Variants in CLVS1 observed in about 807,000 individuals in gnomAD.
The protein encoded by CLVS1 is clavesin 1, also known as clavesin-1.
Under a neutral mutation model 33.1 loss-of-function variants are expected in CLVS1, and 10 were observed. The observed-to-expected ratio is 0.30, with a 90% CI of 0.19 to 0.51. CLVS1 has a LOEUF of 0.51. CLVS1 is among the 20% of genes least tolerant of loss of function. The pLI, the probability that CLVS1 is intolerant of heterozygous loss-of-function variation, is 0.97. For synonymous variants in CLVS1, 163 were observed against 166.1 expected, an observed-to-expected ratio of 0.98 and a Z score of 0.14; for missense variants, 343 against 433.4, an observed-to-expected ratio of 0.79 and a Z score of 1.85.
chr8:61,350,970 C>T (rs1384959163), intron 2 of CLVS1, among the ~76,000 whole-genome samples: 1 of 152,104 alleles, frequency 6.6e-6, no homozygotes, highest in Admixed American at 6.6e-5. Flanking sequence ...TACATGTCCT[C>T]ATTTGTCCCA....
intron 2 of CLVS1, among the ~76,000 whole-genome samples, chr8:61,316,965 G>A (rs1022258054): frequency 1.3e-5 from 2 of 152,128 alleles, no homozygotes; most frequent in African/African-American, 4.8e-5. Flanking sequence ...CCATAAAAAT[G>A]TTTGGCCCCT....
At chr8:61,480,806 G>T (rs1213210911) in intron 5 of CLVS1, among the ~76,000 whole-genome samples, 1 of 152,108 alleles carries the variant, frequency 6.6e-6, no homozygotes, top group Non-Finnish European at 1.5e-5. Flanking sequence ...ACGTGCATGG[G>T]CTTGAAATTG....
chr8:61,283,699 C>A (rs1809720212), upstream of CLVS1, among the ~76,000 whole-genome samples: 1 of 152,252 alleles, frequency 6.6e-6, no homozygotes, highest in Admixed American at 6.5e-5. Flanking sequence ...AGCATTGAAC[C>A]ACTAGCCTGA....
chr8:61,093,874 G>C (rs975530600), intron 1 of CLVS1, among the ~76,000 whole-genome samples: 1 of 152,212 alleles, frequency 6.6e-6, no homozygotes, highest in African/African-American at 2.4e-5. Flanking sequence ...TAATGGCTGT[G>C]CTGTTTTCCC....
rs114367166 is a variant in CLVS1, at chr8:61,143,232, G to A, written c.-152+11372G>A. On this transcript the variant is annotated intron_variant, in intron 2 of 2. Coordinates refer to the CLVS1 transcript ENST00000522621. ...AAATACACTTGAGGCTAGACAGGTAGAGTCAAGGAAGTAACCCTGTCCTTG... is the reference window on the plus strand; with the variant it reads ...AAATACACTTGAGGCTAGACAGGTAAAGTCAAGGAAGTAACCCTGTCCTTG... Among the ~76,000 whole-genome samples, 814 of 152,308 alleles carry A rather than the reference G, an allele frequency of 5.3e-3. 5 individuals are homozygous for A. The highest frequency in any genetic ancestry group is 0.018 in the African/African-American group (764 of 41,572).
chr8:61,042,997 G>A, the CLVS1 span, among the ~76,000 whole-genome samples: 1 of 152,170 alleles, frequency 6.6e-6, no homozygotes, highest in African/African-American at 2.4e-5. Flanking sequence ...TGTCCAGCTT[G>A]TTCAAAAGCT....
In CLVS1 at chr8:61,499,482, C is replaced by T. The variant is rs757059295; in HGVS notation, c.1005C>T (p.Thr335=). Residue 335 remains threonine, a synonymous_variant, in exon 6 of 6, where the codon ACC becomes ACT. Transcript: ENST00000325897. ...KRSQSVVEAG[T]LKHEEKGENE... is the part of the protein sequence containing the mutation. ...CTCAGTCTGTGGTAGAAGCTGGGAC[C>T]CTGAAACATGAGGAGAAGGGAGAGA... is the stretch of plus-strand genomic sequence containing the variant. 1.9e-6 allele frequency: 3 copies of T among 1,613,474 alleles called. No individual in the cohort carries two copies. Among genetic ancestry groups the T allele is most frequent in the South Asian group, 2.2e-5 (2 of 91,060 alleles).
At chr8:61,444,599 A>G (rs992177832) in intron 3 of CLVS1, among the ~76,000 whole-genome samples, 1 of 152,226 alleles carries the variant, frequency 6.6e-6, no homozygotes, top group Non-Finnish European at 1.5e-5. Context: ...AACTGCTATG[A>G]TAAGTTTGTT....
At chr8:61,291,279 T>C (rs1225071361) in intron 1 of CLVS1, among the ~76,000 whole-genome samples, 1 of 152,190 alleles carries the variant, frequency 6.6e-6, no homozygotes, top group Non-Finnish European at 1.5e-5. Flanking sequence ...CTGTGAGCTT[T>C]TGTGCTTGAT....
At chr8:61,404,469 TA>T (rs1814900814) in intron 3 of CLVS1, among the ~76,000 whole-genome samples, 1 of 152,172 alleles carries the variant, frequency 6.6e-6, no homozygotes, top group African/African-American at 2.4e-5. Flanking sequence ...TTTTCAAAAG[TA>T]AAATCTTTGT....
At chr8:61,031,680 A>G in the CLVS1 span, among the ~76,000 whole-genome samples, 4 of 152,356 alleles carry the variant, frequency 2.6e-5, no homozygotes, top group South Asian at 2.1e-4. Context: ...GTTCCTGGCC[A>G]TCGAAAAACT....
intron 1 of CLVS1, among the ~76,000 whole-genome samples, chr8:61,107,391 C>T (rs560904802): frequency 2.6e-4 from 39 of 152,312 alleles, no homozygotes; most frequent in African/African-American, 9.4e-4. Context: ...AGTCCAAGAT[C>T]AAGGTATCAG....
At chr8:61,446,889 G>A (rs1816776670) in intron 3 of CLVS1, among the ~76,000 whole-genome samples, 1 of 150,528 alleles carries the variant, frequency 6.6e-6, no homozygotes, top group African/African-American at 2.4e-5. Flanking sequence ...GTTTCCAAGT[G>A]ATCAAAGATT....
the CLVS1 span, among the ~76,000 whole-genome samples, chr8:61,007,878 C>T: frequency 6.6e-6 from 1 of 152,144 alleles, no homozygotes; most frequent in Non-Finnish European, 1.5e-5. Flanking sequence ...AGGTGGGAAG[C>T]TGGAGGAAAA....
intron 1 of CLVS1, among the ~76,000 whole-genome samples, chr8:61,074,018 A>G (rs1277342960): frequency 6.6e-6 from 1 of 150,672 alleles, no homozygotes; most frequent in African/African-American, 2.4e-5. Flanking sequence ...TCAAAAAAAA[A>G]AAAAAAAAAA....
At chr8:61,128,096 A>T (rs1248167773) in intron 1 of CLVS1, among the ~76,000 whole-genome samples, 1 of 152,254 alleles carries the variant, frequency 6.6e-6, no homozygotes, top group African/African-American at 2.4e-5. Context: ...TTTTTTAAAC[A>T]TGACTTTTGA....
At chr8:61,135,845 C>A (rs1040279500) in intron 2 of CLVS1, among the ~76,000 whole-genome samples, 1 of 152,202 alleles carries the variant, frequency 6.6e-6, no homozygotes, top group Non-Finnish European at 1.5e-5. Flanking sequence ...GAGATGCATT[C>A]GCCTTGGTGA....
intron 1 of CLVS1, among the ~76,000 whole-genome samples, chr8:61,105,619 C>A (rs1190058914): frequency 6.6e-6 from 1 of 152,164 alleles, no homozygotes; most frequent in Non-Finnish European, 1.5e-5. Context: ...CTGAATAAGG[C>A]CTCACAAATA....
chr8:61,230,951 A>T (rs1172252116), intron 2 of CLVS1, among the ~76,000 whole-genome samples: 1 of 152,094 alleles, frequency 6.6e-6, no homozygotes, highest in Non-Finnish European at 1.5e-5. Context: ...TTAAGAGAGT[A>T]CTAATCCTAT....
Sources: allele counts gnomAD v4.1 joint callset (sites outside exome capture counted in the v4.1 genomes callset), GRCh38; gene constraint gnomAD v4.1.1; transcripts MANE v1.5; gene names NCBI Gene and HGNC (gene_info 2026-07-23, HGNC 2026-07-21).